The following TRIM58 variants were observed in gnomAD, a reference collection of about 807,000 sequenced individuals.
The protein encoded by TRIM58 is E3 ubiquitin-protein ligase TRIM58.
A neutral mutation model predicts 34.1 loss-of-function variants in TRIM58; 38 were observed. The ratio of observed to expected loss-of-function variants is 1.12; its 90% CI spans 0.86 to 1.46. The LOEUF (loss-of-function observed/expected upper bound fraction) is 1.46. Ranked by LOEUF, TRIM58 falls within the 40% of genes most tolerant of loss-of-function variation. The probability of loss-of-function intolerance (pLI) is 0.00; values close to 1 mark genes in which losing one functional copy is unlikely to be tolerated. For synonymous variants in TRIM58, 273 were observed against 275.7 expected (o/e 0.99, Z 0.10); for missense variants, 677 against 642.0 (o/e 1.05, Z -0.59).
chr1:247,863,393 C>T (rs1242113563), intron 2 of TRIM58, among the ~76,000 whole-genome samples: 1 of 152,012 alleles, frequency 6.6e-6, no homozygotes, highest in Non-Finnish European at 1.5e-5. Context: ...CAAAAATTAG[C>T]TGGGCATGGT....
chr1:247,859,650 C>G (rs906114269), intron 1 of TRIM58, among the ~76,000 whole-genome samples: 132 of 152,018 alleles, frequency 8.7e-4, no homozygotes, highest in African/African-American at 3.1e-3. Flanking sequence ...ATATGATAAC[C>G]TACCAAGTTC....
intron 5 of TRIM58, among the ~76,000 whole-genome samples, chr1:247,874,530 T>C (rs1480563151): frequency 6.6e-6 from 1 of 152,196 alleles, no homozygotes; most frequent in Non-Finnish European, 1.5e-5. Flanking sequence ...ACTTACTACT[T>C]ATAAGCAATG....
rs1029034484 is a variant in TRIM58, at chr1:247,878,123, A to C, written c.*1634A>C. ...GCTTGTAGTGAGCCGAGATCGCGCC[A>C]CTGCACTCCAGCCGGGGCAACAGAG... On this transcript the variant is annotated 3_prime_UTR_variant, in exon 6 of 6. Coordinates refer to ENST00000366481, the MANE Select transcript of TRIM58 (RefSeq NM_015431.4). The C allele has an allele frequency of 6.6e-6, 1 of 152,162 alleles. No individual in the cohort carries two copies. The highest frequency in any genetic ancestry group is 1.5e-5 in the Non-Finnish European group (1 of 68,114). 9.4% of individuals were successfully genotyped at this position (152,162 alleles called of 1,614,324 possible).
chr1:247,874,656 C>A (rs933998837), intron 5 of TRIM58, among the ~76,000 whole-genome samples: 1 of 152,138 alleles, frequency 6.6e-6, no homozygotes, highest in Non-Finnish European at 1.5e-5. Flanking sequence ...ACTGGGACTT[C>A]AGAGTATCAG....
chr1:247,867,210 A>G (rs192614297), intron 3 of TRIM58, among the ~76,000 whole-genome samples: 218 of 152,264 alleles, frequency 1.4e-3, no homozygotes, highest in Non-Finnish European at 2.2e-3. Context: ...TTGTGTCTTT[A>G]TTTGAGGAAC....
In TRIM58 at chr1:247,878,408, C is replaced by A. The variant is rs1022984724; in HGVS notation, c.*1919C>A. On this transcript the variant is annotated 3_prime_UTR_variant, in exon 6 of 6. Transcript: ENST00000366481. ...TTTAACTTACCTTCCAATCATATTA[C>A]TAACGTAGCCTTCTTCCTAGATTTT... is the stretch of plus-strand genomic sequence containing the variant. 6.6e-6 allele frequency among the ~76,000 whole-genome samples: 1 copy of A among 152,184 alleles called. No homozygotes were observed. Among genetic ancestry groups the A allele is most frequent in the Admixed American group, 6.5e-5 (1 of 15,270 alleles).
rs978077401 is a variant in TRIM58 at position 247,878,132 on chromosome 1, C to T, written c.*1643C>T. ...GAGCCGAGATCGCGCCACTGCACTC[C>T]AGCCGGGGCAACAGAGCAAGACTCC... is the stretch of plus-strand genomic sequence containing the variant. On this transcript the variant is annotated 3_prime_UTR_variant, in exon 6 of 6. Coordinates refer to ENST00000366481, the MANE Select transcript of TRIM58 (RefSeq NM_015431.4). 1 of 151,726 alleles carries T rather than the reference C, an allele frequency of 6.6e-6. No homozygotes were observed. The highest frequency in any genetic ancestry group is 1.5e-5 in the Non-Finnish European group (1 of 68,100). The allele number at this position is 151,726 out of a possible 1,614,324, so 9.4% of individuals were successfully genotyped here.
At chr1:247,859,937 A>G (rs1449214258) in intron 1 of TRIM58, among the ~76,000 whole-genome samples, 1 of 152,146 alleles carries the variant, frequency 6.6e-6, no homozygotes, top group Admixed American at 6.5e-5. Flanking sequence ...TATATTCATT[A>G]CCAGCACATT....
Position 247,862,484 on chromosome 1 carries a change from T to C in TRIM58, c.516+1772T>C, listed in dbSNP as rs374948664. Reference sequence around the variant, plus strand: ...AAGAACAAAGCTTTACAGTATTAAATAATGTTCATTACTTGCCTATAATGT... The same window carrying C: ...AAGAACAAAGCTTTACAGTATTAAACAATGTTCATTACTTGCCTATAATGT... On this transcript the variant is annotated intron_variant, in intron 2 of 5. Transcript: ENST00000366481. 2.0e-5 allele frequency among the ~76,000 whole-genome samples: 3 copies of C among 152,306 alleles called. No homozygotes were observed. In the East Asian group the frequency reaches 5.8e-4, roughly 29 times the overall value.
At position 247,864,589 on chromosome 1, in the gene TRIM58, T is replaced by C. The variant is rs577230437; in HGVS notation, c.517-116T>C. 1.6e-4 allele frequency: 161 copies of C among 1,015,376 alleles called. No individual in the cohort carries two copies. The African/African-American group carries it at 2.3e-3, about 15-fold the overall frequency. 62.9% of individuals were successfully genotyped at this position (1,015,376 alleles called of 1,614,324 possible). A position where few individuals can be genotyped will look rare whatever the true frequency, so the allele number is the denominator to read the frequency against. ...GTGCATGTTGTTAGGATGCAACCAG[T>C]GAGTCCACAGAGTTACGGAGCCCGG... On this transcript the variant is annotated intron_variant, in intron 2 of 5. Coordinates refer to ENST00000366481, the MANE Select transcript of TRIM58 (RefSeq NM_015431.4).
chr1:247,860,953 A>G (rs377710848), intron 2 of TRIM58, among the ~76,000 whole-genome samples: 18 of 152,134 alleles, frequency 1.2e-4, no homozygotes, highest in African/African-American at 4.1e-4. Context: ...TGCTAGTTTG[A>G]TCTTCCTGTA....
chr1:247,867,626 G>A (rs760007883), intron 3 of TRIM58, among the ~76,000 whole-genome samples: 1 of 151,994 alleles, frequency 6.6e-6, no homozygotes, highest in African/African-American at 2.4e-5. Context: ...GGTGGAGGTC[G>A]CAGTGAGCCG....
In TRIM58 at chr1:247,879,561, T is replaced by A. The variant is rs1401697257; in HGVS notation, c.*3072T>A. 6.6e-6 allele frequency among the ~76,000 whole-genome samples: 1 copy of A among 151,712 alleles called. No homozygotes were observed. The highest frequency in any genetic ancestry group is 1.5e-5 in the Non-Finnish European group (1 of 67,952). On this transcript the variant is annotated 3_prime_UTR_variant, in exon 6 of 6. Coordinates refer to ENST00000366481, the MANE Select transcript of TRIM58 (RefSeq NM_015431.4). ...TGAAAGTCAGAATCCTCACAGTGAA[T>A]CCCCAGGCCCTAGAGGATGTGAACC... is the stretch of plus-strand genomic sequence containing the variant.
intron 5 of TRIM58, among the ~76,000 whole-genome samples, 158 bp from the exon 6 acceptor site, chr1:247,875,739 AAAG>A (rs943179919): frequency 3.3e-5 from 5 of 152,168 alleles, no homozygotes; most frequent in African/African-American, 1.2e-4. Flanking sequence ...ATAAAGTAAT[AAAG>A]AAGATTTCAC....
intron 5 of TRIM58, among the ~76,000 whole-genome samples, chr1:247,868,926 GTCTTAC>G (rs1489208206): frequency 1.3e-5 from 2 of 149,342 alleles, no homozygotes; most frequent in Non-Finnish European, 3.0e-5. Context: ...GTGTGATGAA[GTCTTAC>G]TCTGTCGCCC....
At position 247,876,079 on chromosome 1, in the gene TRIM58, C is replaced by A. The variant is rs763733160; in HGVS notation, c.1051C>A (p.Leu351Met). The change falls in exon 6 of 6, where the codon CTG (leucine) becomes ATG (methionine). Residue 351 changes from leucine (L) to methionine (M), a missense_variant. Transcript: ENST00000366481. ...FSSGRHYWEVLVGEGAEWGLG... is the reference protein window; with the variant it reads ...FSSGRHYWEVMVGEGAEWGLG... ...ATCAGGGAGGCATTACTGGGAGGTT[C>A]TGGTGGGAGAAGGAGCAGAGTGGGG... The A allele has an allele frequency of 1.9e-6, 3 of 1,614,044 alleles. No individual in the cohort carries two copies. In the African/African-American group the frequency reaches 4.0e-5, roughly 22 times the overall value.
chr1:247,871,817 C>T (rs193094205), intron 5 of TRIM58, among the ~76,000 whole-genome samples: 8 of 152,274 alleles, frequency 5.3e-5, no homozygotes, highest in Admixed American at 5.2e-4. Flanking sequence ...ATGTACTTCA[C>T]CAAAATACAC....
intron 1 of TRIM58, among the ~76,000 whole-genome samples, chr1:247,860,195 G>T (rs917231157): frequency 6.6e-6 from 1 of 152,190 alleles, no homozygotes; most frequent in African/African-American, 2.4e-5. Flanking sequence ...TAGGCCCAGT[G>T]GCTCATGCCT....
At chr1:247,860,794 T>C in intron 2 of TRIM58, 82 bp downstream of exon 2, 1 of 1,100,576 alleles carries the variant, frequency 9.1e-7, no homozygotes, top group Non-Finnish European at 1.4e-6. Flanking sequence ...CCATCTTCCA[T>C]TCTCCAGCAC....
Sources: allele counts gnomAD v4.1 joint callset (sites outside exome capture counted in the v4.1 genomes callset), GRCh38; gene constraint gnomAD v4.1.1; transcripts MANE v1.5; gene names NCBI Gene and HGNC (gene_info 2026-07-23, HGNC 2026-07-21).